Variants in PLA2R1 observed in about 807,000 individuals in gnomAD.
The protein encoded by PLA2R1 is phospholipase A2 receptor 1.
In PLA2R1, 158 loss-of-function variants were observed where a neutral mutation model predicts 195.9. The ratio of observed to expected loss-of-function variants is 0.81; its 90% confidence interval spans 0.71 to 0.92. The LOEUF (loss-of-function observed/expected upper bound fraction) is 0.92, where lower values mean the gene tolerates loss of function less well. Ranked by LOEUF, PLA2R1 falls within the 40% of genes least tolerant of loss-of-function variation. The probability of loss-of-function intolerance (pLI) is 0.00; values close to 1 mark genes in which losing one functional copy is unlikely to be tolerated. For missense variants in PLA2R1, 1,626 were observed against 1,764.6 expected, an observed-to-expected ratio of 0.92 and a Z score of 1.41; for synonymous variants, 586 against 598.2, an observed-to-expected ratio of 0.98 and a Z score of 0.30.
chr2:160,061,569 T>C (rs961971311), intron 1 of PLA2R1, among the ~76,000 whole-genome samples: 1 of 151,422 alleles, frequency 6.6e-6, no homozygotes, highest in Admixed American at 6.6e-5. Flanking sequence ...GGCCCAGGAG[T>C]TGGAGACCAG....
chr2:160,037,971 C>G (rs1694266965), intron 3 of PLA2R1, among the ~76,000 whole-genome samples: 1 of 152,134 alleles, frequency 6.6e-6, no homozygotes, highest in South Asian at 2.1e-4. Context: ...ACGGTTATAA[C>G]CCCAGGAGCC....
chr2:159,996,806 AG>A (rs1311722513), intron 11 of PLA2R1, among the ~76,000 whole-genome samples: 1 of 152,084 alleles, frequency 6.6e-6, no homozygotes, highest in Non-Finnish European at 1.5e-5. Context: ...ATCTGTGCCC[AG>A]TCTACTATAA....
chr2:159,994,994 G>C (rs971016596), intron 11 of PLA2R1, among the ~76,000 whole-genome samples: 27 of 151,896 alleles, frequency 1.8e-4, no homozygotes, highest in Non-Finnish European at 1.2e-4. Flanking sequence ...ACAGAGTCCT[G>C]GCTGAGTTTA....
rs150370850 is a variant in PLA2R1, at chr2:159,983,499, T to C, written c.2183+429A>G. On this transcript the variant is annotated intron_variant, in intron 13 of 29. Coordinates refer to ENST00000283243, the MANE Select transcript of PLA2R1 (RefSeq NM_007366.5). Reference sequence around the variant, plus strand: ...CAAAATCTTACATAGGCTCCAATTATATACAAAATAATTAGCGGTGGAGCT... The same window carrying C: ...CAAAATCTTACATAGGCTCCAATTACATACAAAATAATTAGCGGTGGAGCT... 4.4e-4 allele frequency among the ~76,000 whole-genome samples: 67 copies of C among 151,396 alleles called. No individual in the cohort carries two copies. In the East Asian group the frequency reaches 0.012, roughly 26 times the overall value.
chr2:159,968,000 C>A (rs1252014225), intron 19 of PLA2R1, among the ~76,000 whole-genome samples: 2 of 152,018 alleles, frequency 1.3e-5, no homozygotes, highest in South Asian at 2.1e-4. Flanking sequence ...TGTAGGGTAA[C>A]AATTTCATTT....
chr2:159,988,695 T>A (rs2105326889), intron 11 of PLA2R1, among the ~76,000 whole-genome samples: 1 of 152,340 alleles, frequency 6.6e-6, no homozygotes, highest in Admixed American at 6.5e-5. Flanking sequence ...TGTCGTCACT[T>A]GCTACTTGAT....
chr2:160,062,380 C>A lies in PLA2R1; in HGVS notation c.24G>T (p.Leu8=), dbSNP rs1229344427. The A allele has an allele frequency of 6.5e-7, 1 of 1,540,458 alleles. No individual in the cohort carries two copies. Among genetic ancestry groups the A allele is most frequent in the Admixed American group, 2.0e-5 (1 of 50,504 alleles). The change falls in exon 1 of 30, where the codon CTG becomes CTT. Residue 8 remains leucine (L), a synonymous_variant. Coordinates refer to ENST00000283243, the MANE Select transcript of PLA2R1 (RefSeq NM_007366.5). ...GCGGCGCCCCCAGCAGCAGCAGCAG[C>A]AGCAGCGACGGCGACAGCAGCATCG... The part of the protein sequence containing the change: MLLSPSL[L]LLLLLGAPRG...
Position 160,042,265 on chromosome 2 carries a change from T to C in PLA2R1, c.494-67A>G, listed in dbSNP as rs563887575. 16 of 1,402,330 alleles carry C rather than the reference T, an allele frequency of 1.1e-5. No individual in the cohort carries two copies. The African/African-American group carries it at 2.1e-4, about 19-fold the overall frequency. The allele number at this position is 1,402,330 out of a possible 1,614,324, so 86.9% of individuals were successfully genotyped here. On this transcript the variant is annotated intron_variant, in intron 2 of 29. Transcript: ENST00000283243. ...AGCTTTATCTTTGGAAACTGCTATA[T>C]ATCGAAAGCATTTTTTATGGACTGA...
At chr2:159,978,819 A>G (rs1345001838) in intron 14 of PLA2R1, among the ~76,000 whole-genome samples, 1 of 152,216 alleles carries the variant, frequency 6.6e-6, no homozygotes. Flanking sequence ...ATAAATTTGA[A>G]AACCATCTTG....
chr2:160,040,502 G>T (rs372773016), intron 3 of PLA2R1, among the ~76,000 whole-genome samples: 2 of 152,106 alleles, frequency 1.3e-5, no homozygotes, highest in Non-Finnish European at 2.9e-5. Context: ...TATCTGCACC[G>T]GGGTCACCTG....
intron 13 of PLA2R1, among the ~76,000 whole-genome samples, chr2:159,980,620 A>T (rs1689879139): frequency 6.6e-6 from 1 of 152,124 alleles, no homozygotes. Context: ...AGTTGTCACC[A>T]TTGGTTTATA....
chr2:160,035,103 T>C (rs893425859), intron 3 of PLA2R1, among the ~76,000 whole-genome samples: 9 of 152,226 alleles, frequency 5.9e-5, no homozygotes, highest in African/African-American at 1.9e-4. Context: ...ATTATGTATA[T>C]GCAAATATCC....
Position 159,976,235 on chromosome 2 carries a change from A to C in PLA2R1, c.2438-10T>G. On this transcript the variant is annotated splice_polypyrimidine_tract_variant and intron_variant, in intron 16 of 29. Coordinates refer to ENST00000283243, the MANE Select transcript of PLA2R1 (RefSeq NM_007366.5). ...AAGAGCCAGGGTACATCTGAAAAAG[A>C]AACAGTGAAAATAATGCTGAAATGA... The C allele has an allele frequency of 6.3e-7, 1 of 1,587,322 alleles. No individual in the cohort carries two copies. The highest frequency in any genetic ancestry group is 8.6e-7 in the Non-Finnish European group (1 of 1,162,782).
intron 1 of PLA2R1, 111 bp downstream of exon 1, chr2:160,062,184 C>T: frequency 2.4e-6 from 2 of 820,262 alleles, no homozygotes; most frequent in Non-Finnish European, 3.7e-6. Context: ...CAAACGCGGC[C>T]GCCCTTGCCC....
At chr2:160,035,359 C>T (rs1342923898) in intron 3 of PLA2R1, among the ~76,000 whole-genome samples, 1 of 152,130 alleles carries the variant, frequency 6.6e-6, no homozygotes, top group African/African-American at 2.4e-5. Context: ...GTCTCTTTGC[C>T]CTTTCACTCT....
chr2:160,056,208 A>T (rs1267836242), intron 1 of PLA2R1, among the ~76,000 whole-genome samples: 1 of 152,096 alleles, frequency 6.6e-6, no homozygotes, highest in Admixed American at 6.5e-5. Context: ...AACAGGGGGA[A>T]ATGTAGCAGC....
At chr2:160,048,995 T>C (rs1020336989) in intron 1 of PLA2R1, among the ~76,000 whole-genome samples, 5 of 151,576 alleles carry the variant, frequency 3.3e-5, no homozygotes, top group Admixed American at 6.6e-5. Flanking sequence ...CGCCCGCCAC[T>C]ACGCCCGGCT....
At chr2:159,963,293 A>G (rs10188272) in intron 20 of PLA2R1, among the ~76,000 whole-genome samples, 134,967 of 152,198 alleles carry the variant, frequency 0.89, 61,729 homozygotes, top group East Asian at 1. Context: ...GCTCTTAGAC[A>G]AACACACAGG....
At chr2:160,033,686 C>T (rs184193409) in intron 3 of PLA2R1, among the ~76,000 whole-genome samples, 202 of 152,278 alleles carry the variant, frequency 1.3e-3, no homozygotes, top group African/African-American at 4.6e-3. Flanking sequence ...AAGCAAGATC[C>T]ACTTGTAAGA....
Sources: allele counts gnomAD v4.1 joint callset (sites outside exome capture counted in the v4.1 genomes callset), GRCh38; gene constraint gnomAD v4.1.1; transcripts MANE v1.5; gene names NCBI Gene and HGNC (gene_info 2026-07-23, HGNC 2026-07-21).